Variants in PIEZO2 observed in about 807,000 individuals in gnomAD.
PIEZO2 encodes the protein piezo type mechanosensitive ion channel component 2.
PIEZO2 carries 172 observed loss-of-function variants against 337.3 expected under a neutral mutation model. The observed-to-expected ratio is 0.51, with a 90% CI of 0.45 to 0.58. The LOEUF is 0.58. PIEZO2 is among the 20% of genes least tolerant of loss of function. The pLI is 0.00. For synonymous variants in PIEZO2, 1,251 were observed against 1,228.5 expected (o/e 1.02, Z -0.38); for missense variants, 3,028 against 3,391.3 (o/e 0.89, Z 2.66).
At position 10,699,042 on chromosome 18, in the gene PIEZO2, C is replaced by A; in HGVS notation, c.6577G>T (p.Val2193Leu). The change falls in exon 44 of 56, where the codon GTG (valine) becomes TTG (leucine). Residue 2193 changes from valine (V) to leucine (L), a missense_variant. This residue lies in a region of PIEZO2 where 1,925 missense variants were observed against 2,051.9 expected (regional missense o/e 0.94). Transcript: ENST00000674853. ...SLKSINLAAS[V>L]ESVHVTFPEQ... is the part of the protein sequence containing the mutation. ...GGGAAGGTCACATGCACTGACTCCA[C>A]AGACGCGGCCAGGTTGATGGACTTG... 2 of 1,537,198 alleles carry A rather than the reference C, an allele frequency of 1.3e-6. No homozygotes were observed. The highest frequency in any genetic ancestry group is 1.7e-6 in the Non-Finnish European group (2 of 1,146,920).
intron 34 of PIEZO2, among the ~76,000 whole-genome samples, chr18:10,735,900 C>T (rs1708945975): frequency 6.6e-6 from 1 of 152,170 alleles, no homozygotes; most frequent in Non-Finnish European, 1.5e-5. Context: ...AATAACAGCC[C>T]TAGTGTGTAG....
Position 10,756,686 on chromosome 18 carries a change from G to A in PIEZO2, c.3923+1283C>T, listed in dbSNP as rs186474620. Among the ~76,000 whole-genome samples the A allele has an allele frequency of 1.1e-4, 17 of 151,014 alleles. No homozygotes were observed. The East Asian group carries it at 3.4e-3, about 30-fold the overall frequency. On this transcript the variant is annotated intron_variant, in intron 27 of 55. Transcript: ENST00000674853. ...ATGAGGATGAGGAGGAGGGATGCAG[G>A]ATGAGAAGGAGAAATGGAGGATGAG...
intron 3 of PIEZO2, among the ~76,000 whole-genome samples, chr18:10,949,398 A>C (rs770445678): frequency 5.3e-5 from 8 of 152,228 alleles, no homozygotes; most frequent in Non-Finnish European, 1.2e-4. Context: ...GGTTGGGCTA[A>C]AGATCGCACT....
Position 10,677,088 on chromosome 18 carries a change from C to A in PIEZO2, c.8081+659G>T, listed in dbSNP as rs1042626759. On this transcript the variant is annotated intron_variant, in intron 53 of 55. Coordinates refer to ENST00000674853, the MANE Select transcript of PIEZO2 (RefSeq NM_001378183.1). The surrounding 1 kb of genome is among the most constrained non-coding windows in gnomAD (Gnocchi z 4.1). ...ATAGCTGAGGGAGACAGCCACTCTGCAGACTGAAGACAGACCTGGAAGAAT... is the reference window on the plus strand; with the variant it reads ...ATAGCTGAGGGAGACAGCCACTCTGAAGACTGAAGACAGACCTGGAAGAAT... Among the ~76,000 whole-genome samples, 21 of 152,200 alleles carry A rather than the reference C, an allele frequency of 1.4e-4. No homozygotes were observed. The highest frequency in any genetic ancestry group is 2.4e-4 in the Non-Finnish European group (16 of 68,036).
chr18:10,820,996 T>C (rs1312576846), intron 7 of PIEZO2, among the ~76,000 whole-genome samples: 1 of 152,224 alleles, frequency 6.6e-6, no homozygotes, highest in Non-Finnish European at 1.5e-5. Context: ...TTTTGCTTTG[T>C]CTGACTTCAT....
intron 3 of PIEZO2, among the ~76,000 whole-genome samples, chr18:10,974,329 G>A (rs2034356770): frequency 6.6e-6 from 1 of 152,166 alleles, no homozygotes; most frequent in Non-Finnish European, 1.5e-5. Context: ...AAAGAGAAAA[G>A]ATGAAACTCT....
rs924822282 is a variant in PIEZO2 at position 11,083,560 on chromosome 18, C to A, written c.65-17338G>T. Among the ~76,000 whole-genome samples the A allele has an allele frequency of 6.6e-6, 1 of 152,122 alleles. No homozygotes were observed. The highest frequency in any genetic ancestry group is 2.4e-5 in the African/African-American group (1 of 41,420). On this transcript the variant is annotated intron_variant, in intron 1 of 55. Coordinates refer to ENST00000674853, the MANE Select transcript of PIEZO2 (RefSeq NM_001378183.1). The surrounding 1 kb of genome is among the most constrained non-coding windows in gnomAD (Gnocchi z 4.4). ...CAGGTGGTGCCAGCCCTGCAGGGCA[C>A]GGTGTGGGCTCTTCCTGTGGCATGC...
At chr18:11,137,755 G>C (rs1294894745) in intron 1 of PIEZO2, among the ~76,000 whole-genome samples, 1 of 152,188 alleles carries the variant, frequency 6.6e-6, no homozygotes, top group Non-Finnish European at 1.5e-5. Context: ...TTCAGTTCAA[G>C]ATTACCAGCT....
At chr18:10,886,896 G>A (rs1020008507) in intron 4 of PIEZO2, among the ~76,000 whole-genome samples, 2 of 151,848 alleles carry the variant, frequency 1.3e-5, no homozygotes, top group East Asian at 1.9e-4. Context: ...ATTGGCTCAC[G>A]GTTCTGAAGG....
intron 3 of PIEZO2, among the ~76,000 whole-genome samples, chr18:10,930,792 T>A (rs2032033399): frequency 6.6e-6 from 1 of 152,210 alleles, no homozygotes; most frequent in Non-Finnish European, 1.5e-5. Context: ...AAGATAAATT[T>A]TTTTGAAATT....
At chr18:11,091,712 T>C (rs1303293506) in intron 1 of PIEZO2, among the ~76,000 whole-genome samples, 2 of 152,208 alleles carry the variant, frequency 1.3e-5, no homozygotes, top group Admixed American at 1.3e-4. Context: ...TCTTGAGCGC[T>C]AGAAAGGGGT....
At chr18:11,121,483 T>C (rs1321386816) in intron 1 of PIEZO2, among the ~76,000 whole-genome samples, 1 of 152,090 alleles carries the variant, frequency 6.6e-6, no homozygotes, top group African/African-American at 2.4e-5. Context: ...GAATGATCCC[T>C]TGATTCCAGG....
chr18:10,720,004 G>C (rs2036189104), intron 36 of PIEZO2, among the ~76,000 whole-genome samples: 1 of 151,960 alleles, frequency 6.6e-6, no homozygotes, highest in Admixed American at 6.6e-5. Context: ...GATAGAGGAT[G>C]TTGTCATACT....
In PIEZO2 at chr18:10,791,944, T is replaced by C. The variant is rs548971457; in HGVS notation, c.1759-620A>G. On this transcript the variant is annotated intron_variant, in intron 13 of 55. Transcript: ENST00000674853. The stretch of plus-strand genomic sequence containing the variant: ...TACAGTACCTAACACACAGTAGGTT[T>C]ATTGCTGTTGTTTTTGTTTGAGAGG... Among the ~76,000 whole-genome samples the C allele has an allele frequency of 4.6e-4, 70 of 152,214 alleles. 1 individual carries two copies. The highest frequency in any genetic ancestry group is 1.5e-3 in the African/African-American group (64 of 41,556).
chr18:10,711,437 G>GA (rs944991491), intron 39 of PIEZO2, among the ~76,000 whole-genome samples: 21 of 152,038 alleles, frequency 1.4e-4, no homozygotes, highest in African/African-American at 3.4e-4. Flanking sequence ...GAGATTGTAT[G>GA]AAAAAAATTG....
Position 10,784,376 on chromosome 18 carries a change from AT to A in PIEZO2, c.2492+407del, listed in dbSNP as rs2039140592. On this transcript the variant is annotated intron_variant, in intron 17 of 55. Transcript: ENST00000674853. This position sits in a 1 kb window ranked among gnomAD's most constrained non-coding sequence, Gnocchi z 4.5. ...TCCAAAGTGGAAGGGAAAACTGCCC[AT>A]CATCTTTTGCTATGCTCTCACAAGA... Among the ~76,000 whole-genome samples the A allele has an allele frequency of 6.6e-6, 1 of 152,214 alleles. No individual in the cohort carries two copies. The highest frequency in any genetic ancestry group is 2.4e-5 in the African/African-American group (1 of 41,468).
chr18:10,825,433 C>T (rs2040640590), intron 7 of PIEZO2, among the ~76,000 whole-genome samples: 1 of 151,830 alleles, frequency 6.6e-6, no homozygotes, highest in Admixed American at 6.6e-5. Context: ...TCCAAGGATA[C>T]ATGCTATCAA....
chr18:10,857,040 C>T lies in PIEZO2; in HGVS notation c.664G>A (p.Ala222Thr). The T allele has an allele frequency of 6.5e-7, 1 of 1,537,358 alleles. No homozygotes were observed. Among genetic ancestry groups the T allele is most frequent in the South Asian group, 1.2e-5 (1 of 84,062 alleles). ...KEFIGNMITT[A>T]GKVVVTILLG... ...AAGATGGTAACAACGACTTTCCCAG[C>T]AGTGGTGATCATGTTGCCAATGAAC... is the stretch of plus-strand genomic sequence containing the variant. Residue 222 changes from alanine (A) to threonine (T), a missense_variant, in exon 6 of 56, where the codon GCT (alanine) becomes ACT (threonine). Transcript: ENST00000674853.
chr18:10,791,379 A>G (rs2039406123), intron 13 of PIEZO2, 55 bp from the exon 14 acceptor site: 1 of 1,425,804 alleles, frequency 7.0e-7, no homozygotes, highest in African/African-American at 1.5e-5. Flanking sequence ...GAATGTAAAA[A>G]CATTCAACAA....
Sources: gnomAD v4.1 joint callset for allele counts (sites outside exome capture counted in the v4.1 genomes callset) on GRCh38, gnomAD v4.1.1 for gene constraint, gnomAD v4.1.1 regional missense constraint, Gnocchi (gnomAD v3.1) non-coding constraint, MANE v1.5 for transcripts, NCBI Gene and HGNC (gene_info 2026-07-23, HGNC 2026-07-21) for gene names.